The following TTC8 variants were observed in gnomAD, a reference collection of about 807,000 sequenced individuals.
The protein encoded by TTC8 is tetratricopeptide repeat domain 8, also known as tetratricopeptide repeat protein 8.
In TTC8, 47 loss-of-function variants were observed where a neutral mutation model predicts 72.5. The ratio of observed to expected loss-of-function variants is 0.65; its 90% CI spans 0.51 to 0.83. The LOEUF (loss-of-function observed/expected upper bound fraction) is 0.83, where lower values mean the gene tolerates loss of function less well. Among genes scored for constraint, TTC8 ranks in the 40% least tolerant of loss-of-function variants. The probability of loss-of-function intolerance (pLI) is 0.00; values close to 1 mark genes in which losing one functional copy is unlikely to be tolerated. For synonymous variants in TTC8, 199 were observed against 221.4 expected, an observed-to-expected ratio of 0.90 and a Z score of 0.90; for missense variants, 611 against 623.2, an observed-to-expected ratio of 0.98 and a Z score of 0.21.
chr14:88,838,392 A>C (rs1372041121), intron 2 of TTC8, among the ~76,000 whole-genome samples: 4 of 152,000 alleles, frequency 2.6e-5, no homozygotes, highest in African/African-American at 7.3e-5. Context: ...TTACGTGGGG[A>C]CTTTCTGGAC....
intron 6 of TTC8, among the ~76,000 whole-genome samples, chr14:88,841,931 T>C (rs1249917055): frequency 1.3e-5 from 2 of 152,170 alleles, no homozygotes; most frequent in African/African-American, 4.8e-5. Flanking sequence ...TACTCCTAAT[T>C]AGTAATTTAT....
chr14:88,828,288 C>T (rs182180863), intron 1 of TTC8, among the ~76,000 whole-genome samples: 35 of 152,084 alleles, frequency 2.3e-4, no homozygotes, highest in Admixed American at 5.9e-4. Context: ...TTCTTTGTTT[C>T]GGTGGAGGAA....
intron 10 of TTC8, among the ~76,000 whole-genome samples, chr14:88,862,565 T>TATATATATATATATATATATATA: frequency 1.8e-5 from 1 of 54,486 alleles, no homozygotes; most frequent in South Asian, 6.3e-4. Flanking sequence ...TATATATATA[T>TATATATATATATATATATATATA]ATATATATAT....
In TTC8 at chr14:88,877,548, TA is replaced by T. The variant is rs2094962339; in HGVS notation, c.*140del. The T allele has an allele frequency of 1.4e-6, 1 of 723,782 alleles. No homozygotes were observed. Among genetic ancestry groups the T allele is most frequent in the African/African-American group, 1.7e-5 (1 of 57,630 alleles). The allele number at this position is 723,782 out of a possible 1,614,324, so 44.8% of individuals were successfully genotyped here. A position where few individuals can be genotyped will look rare whatever the true frequency, so the allele number is the denominator to read the frequency against. On this transcript the variant is annotated 3_prime_UTR_variant, in exon 15 of 15. Transcript: ENST00000380656. ...CCTTGATATTAGTTAAGGTGACACA[TA>T]AGGGTGACACAGAATGTGTAATGCA...
At chr14:88,880,540 C>T (rs1429673787), downstream of TTC8, 4 of 152,198 alleles carry the variant, frequency 2.6e-5, no homozygotes, top group Non-Finnish European at 5.9e-5. Flanking sequence ...TGAAAGCAAC[C>T]GTGTTATCTT....
intron 1 of TTC8, among the ~76,000 whole-genome samples, chr14:88,826,577 G>A (rs372855260): frequency 1.3e-5 from 2 of 151,978 alleles, no homozygotes; most frequent in Non-Finnish European, 2.9e-5. Flanking sequence ...GTTGGCGGGC[G>A]CCTGTAGTCC....
chr14:88,828,119 T>C (rs1357445256), intron 1 of TTC8, among the ~76,000 whole-genome samples: 1 of 152,240 alleles, frequency 6.6e-6, no homozygotes, highest in Non-Finnish European at 1.5e-5. Flanking sequence ...TTCTTAAATG[T>C]ACACTTACTT....
intron 2 of TTC8, 103 bp from the exon 3 acceptor site, chr14:88,839,349 A>C: frequency 1.6e-6 from 2 of 1,212,142 alleles, no homozygotes; most frequent in South Asian, 1.4e-5. Flanking sequence ...AAACATGTTT[A>C]ATATAAAATG....
At chr14:88,826,678 T>A (rs1013280466) in intron 1 of TTC8, among the ~76,000 whole-genome samples, 1 of 152,022 alleles carries the variant, frequency 6.6e-6, no homozygotes, top group South Asian at 2.1e-4. Context: ...CACTCCACAC[T>A]CCACAGCCTG....
At position 88,824,691 on chromosome 14, in the gene TTC8, T is replaced by G; in HGVS notation, c.-17T>G. 6.3e-7 allele frequency: 1 copy of G among 1,589,624 alleles called. No homozygotes were observed. Among genetic ancestry groups the G allele is most frequent in the Admixed American group, 1.8e-5 (1 of 56,832 alleles). ...CTCTCCTGGAGCGCTGGGCCTTCGC[T>G]GGCCGCACCGGCAGCCATGAGCTCG... On this transcript the variant is annotated 5_prime_UTR_variant, in exon 1 of 15. Transcript: ENST00000380656.
At chr14:88,864,586 C>T (rs1595978406) in intron 10 of TTC8, among the ~76,000 whole-genome samples, 1 of 152,152 alleles carries the variant, frequency 6.6e-6, no homozygotes, top group Non-Finnish European at 1.5e-5. Context: ...GGAGTGGATT[C>T]CTTTTCTCAA....
chr14:88,839,857 T>C (rs757370960), intron 3 of TTC8, among the ~76,000 whole-genome samples: 2 of 152,192 alleles, frequency 1.3e-5, no homozygotes, highest in Non-Finnish European at 2.9e-5. Context: ...TAGAAATAAT[T>C]TATACCTACA....
chr14:88,829,990 T>C (rs1259141664), intron 1 of TTC8, among the ~76,000 whole-genome samples: 1 of 152,178 alleles, frequency 6.6e-6, no homozygotes, highest in African/African-American at 2.4e-5. Flanking sequence ...TCCTGCTGAA[T>C]TACACAGATT....
intron 7 of TTC8, among the ~76,000 whole-genome samples, chr14:88,851,496 T>C (rs2094833624): frequency 6.6e-6 from 1 of 152,146 alleles, no homozygotes; most frequent in Non-Finnish European, 1.5e-5. Flanking sequence ...AGAAGGTCTG[T>C]TTATACAAAG....
At chr14:88,829,078 C>G (rs1198254218) in intron 1 of TTC8, among the ~76,000 whole-genome samples, 1 of 152,110 alleles carries the variant, frequency 6.6e-6, no homozygotes, top group Non-Finnish European at 1.5e-5. Flanking sequence ...AATATGGGTT[C>G]TCAACTGCTT....
chr14:88,841,738 G>A (rs1336061195), intron 6 of TTC8, among the ~76,000 whole-genome samples: 1 of 152,156 alleles, frequency 6.6e-6, no homozygotes, highest in Non-Finnish European at 1.5e-5. Flanking sequence ...CTTTTCCCTT[G>A]ATAAAGAGTA....
intron 8 of TTC8, 75 bp downstream of exon 8, chr14:88,853,131 G>A (rs74075891): frequency 2.7e-5 from 29 of 1,067,848 alleles, no homozygotes; most frequent in South Asian, 2.5e-4. Flanking sequence ...CTTTTTGAGG[G>A]GGGGGAGATT....
intron 10 of TTC8, among the ~76,000 whole-genome samples, chr14:88,866,940 T>C (rs1371714471): frequency 6.6e-6 from 1 of 152,252 alleles, no homozygotes; most frequent in East Asian, 1.9e-4. Flanking sequence ...AAGAGAAATA[T>C]AAATAATATC....
At chr14:88,857,085 C>G (rs2094859840) in intron 8 of TTC8, 105 bp from the exon 9 acceptor site, 7 of 978,684 alleles carry the variant, frequency 7.2e-6, no homozygotes, top group East Asian at 2.4e-5. Flanking sequence ...CATTACCTTC[C>G]TTGGTATGTG....
Sources: allele counts gnomAD v4.1 joint callset (sites outside exome capture counted in the v4.1 genomes callset), GRCh38; gene constraint gnomAD v4.1.1; transcripts MANE v1.5; gene names NCBI Gene and HGNC (gene_info 2026-07-23, HGNC 2026-07-21).